Variants in STAG2 observed in about 807,000 individuals in gnomAD.
STAG2 encodes the protein STAG2 cohesin complex component, also known as cohesin subunit SA-2.
A neutral mutation model predicts 108.1 loss-of-function variants in STAG2; 14 were observed. The observed-to-expected ratio is 0.13, with a 90% confidence interval of 0.09 to 0.20. The LOEUF is 0.20. Ranked by LOEUF, STAG2 falls within the 10% of genes least tolerant of loss-of-function variation. The pLI is 1.00. For synonymous variants in STAG2, 307 were observed against 302.7 expected (o/e 1.01, Z -0.15); for missense variants, 440 against 940.9 (o/e 0.47, Z 6.96).
intron 33 of STAG2, among the ~76,000 whole-genome samples, chrX:124,094,637 C>A (rs2059334760): frequency 9.0e-6 from 1 of 111,014 alleles, no homozygotes. Flanking sequence ...TAGGGTTGAT[C>A]ATATACAAAA....
chrX:124,009,145 CT>C (rs1313577275), intron 1 of STAG2, among the ~76,000 whole-genome samples: 1 of 111,059 alleles, frequency 9.0e-6, no homozygotes, highest in Non-Finnish European at 1.9e-5. Flanking sequence ...ATTTCGCCTC[CT>C]TTCTTAGCAT....
At chrX:124,028,823 T>TATATATATA (rs1491294090) in intron 4 of STAG2, among the ~76,000 whole-genome samples, 44 of 50,576 alleles carry the variant, frequency 8.7e-4, no homozygotes, top group African/African-American at 3.3e-3. Context: ...TATATATATA[T>TATATATATA]TTTTTTTTTT....
Position 124,049,206 on chromosome X carries a change from A to G in STAG2, c.893+128A>G, listed in dbSNP as rs976529107. On this transcript the variant is annotated intron_variant, in intron 10 of 34. Coordinates refer to ENST00000371145, the MANE Select transcript of STAG2 (RefSeq NM_001042750.2). The stretch of plus-strand genomic sequence containing the variant: ...TATAGTAAAATCAATGTTAGACTCC[A>G]TTAGTGCCACTGAGTCACTCTGGGC... The G allele has an allele frequency of 7.9e-6, 4 of 503,350 alleles. No homozygotes were observed. In the Admixed American group the frequency reaches 1.6e-4, roughly 21 times the overall value. The allele number at this position is 503,350 out of a possible 1,213,427, so 41.5% of individuals were successfully genotyped here.
At chrX:123,980,996 A>T (rs1236044905) in intron 1 of STAG2, among the ~76,000 whole-genome samples, 1 of 111,473 alleles carries the variant, frequency 9.0e-6, no homozygotes, top group African/African-American at 3.3e-5. Flanking sequence ...CTTGGGTAGA[A>T]ATAATGCTGG....
rs72610617 is a variant in STAG2, at chrX:124,004,914, A to G, written c.-162-16453A>G. 1.4e-3 allele frequency among the ~76,000 whole-genome samples: 152 copies of G among 111,400 alleles called. 3 individuals are homozygous for G. In the East Asian group the frequency reaches 0.033, roughly 24 times the overall value. ...GCACAATGTCAAGACCGGGAAATTG[A>G]CATTGATACAGTCCATATACAGGTG... On this transcript the variant is annotated intron_variant, in intron 1 of 34. Transcript: ENST00000371145.
chrX:124,066,343 A>G lies in STAG2; in HGVS notation c.2185-13A>G, dbSNP rs370669855. On this transcript the variant is annotated splice_polypyrimidine_tract_variant and intron_variant, in intron 22 of 34. Transcript: ENST00000371145. ...TTTTAAATTTTAACTGTATCCTTTG[A>G]TTCTTTTTACAGATTGTTATTCACG... 21 of 1,198,190 alleles carry G rather than the reference A, an allele frequency of 1.8e-5. No homozygotes were observed. In the African/African-American group the frequency reaches 3.5e-4, roughly 20 times the overall value.
chrX:124,022,549 G>A lies in STAG2; in HGVS notation c.-79G>A, dbSNP rs2148001067. 1 of 811,908 alleles carries A rather than the reference G, an allele frequency of 1.2e-6. No individual in the cohort carries two copies. The allele number at this position is 811,908 out of a possible 1,213,427, so 66.9% of individuals were successfully genotyped here. ...TTTAAAGGAATTGTCTTAGAAGAAAGAAGGCAAGCCACCATTTTACCCACG... is the reference window on the plus strand; with the variant it reads ...TTTAAAGGAATTGTCTTAGAAGAAAAAAGGCAAGCCACCATTTTACCCACG... On this transcript the variant is annotated 5_prime_UTR_variant, in exon 3 of 35. Transcript: ENST00000371145.
At chrX:124,096,550 G>C (rs2148515627) in intron 34 of STAG2, among the ~76,000 whole-genome samples, 1 of 111,399 alleles carries the variant, frequency 9.0e-6, no homozygotes, top group East Asian at 2.8e-4. Context: ...TAGTGAGATA[G>C]GATATTACAT....
chrX:123,979,722 C>G (rs2054784747), intron 1 of STAG2, among the ~76,000 whole-genome samples: 1 of 111,161 alleles, frequency 9.0e-6, no homozygotes, highest in Non-Finnish European at 1.9e-5. Flanking sequence ...GTACAGGTCT[C>G]TTAAAGCTGC....
At chrX:123,976,018 C>T (rs2054598684) in intron 1 of STAG2, among the ~76,000 whole-genome samples, 1 of 112,198 alleles carries the variant, frequency 8.9e-6, no homozygotes, top group Admixed American at 9.5e-5. Flanking sequence ...GGAGCAGTGG[C>T]TCACACCTAT....
intron 1 of STAG2, among the ~76,000 whole-genome samples, chrX:123,965,553 G>A (rs988170744): frequency 1.8e-5 from 2 of 111,683 alleles, no homozygotes; most frequent in African/African-American, 6.5e-5. Context: ...GTTTAGTAAT[G>A]CTTAATATTG....
chrX:124,029,435 C>G (rs764538756), intron 4 of STAG2, among the ~76,000 whole-genome samples: 1 of 110,296 alleles, frequency 9.1e-6, no homozygotes, highest in Non-Finnish European at 1.9e-5. Flanking sequence ...CTCAGCCTCC[C>G]GAGTAGCTGG....
At chrX:123,966,454 C>T (rs1042737687) in intron 1 of STAG2, among the ~76,000 whole-genome samples, 2 of 108,213 alleles carry the variant, frequency 1.8e-5, no homozygotes, top group Non-Finnish European at 3.8e-5. Flanking sequence ...AGCGAGACTC[C>T]GTTTAAAAAA....
intron 28 of STAG2, among the ~76,000 whole-genome samples, 183 bp from the exon 29 acceptor site, chrX:124,083,238 A>G (rs769144211): frequency 4.5e-5 from 5 of 111,745 alleles, no homozygotes; most frequent in African/African-American, 1.6e-4. Context: ...TTTTAAAGAA[A>G]GTAACAGTGA....
At chrX:124,099,045 G>A (rs1453556088) in intron 34 of STAG2, among the ~76,000 whole-genome samples, 2 of 111,950 alleles carry the variant, frequency 1.8e-5, no homozygotes, top group African/African-American at 6.5e-5. Context: ...AGAAAAGAAA[G>A]TGTCACTACT....
chrX:124,033,150 T>C (rs2057399225), intron 5 of STAG2, among the ~76,000 whole-genome samples: 1 of 112,312 alleles, frequency 8.9e-6, no homozygotes, highest in African/African-American at 3.2e-5. Flanking sequence ...CTTTTTCTTG[T>C]GTAATGTTTT....
rs931783136 is a variant in STAG2, at chrX:124,100,658, A to G, written c.*61A>G. 3 of 948,979 alleles carry G rather than the reference A, an allele frequency of 3.2e-6. No homozygotes were observed. The East Asian group carries it at 9.3e-5, about 29-fold the overall frequency. 78.2% of individuals were successfully genotyped at this position (948,979 alleles called of 1,213,427 possible). A position where few individuals can be genotyped will look rare whatever the true frequency, so the allele number is the denominator to read the frequency against. On this transcript the variant is annotated 3_prime_UTR_variant, in exon 35 of 35. Transcript: ENST00000371145. ...TTCTAAGTGGAAGAGGAAATTTTAA[A>G]GTGTGGTAGATACAGTGAAATTCTG...
intron 1 of STAG2, among the ~76,000 whole-genome samples, chrX:124,018,669 T>A (rs1318807200): frequency 9.1e-6 from 1 of 110,192 alleles, no homozygotes; most frequent in African/African-American, 3.3e-5. Context: ...CCCGGCTGAT[T>A]TTTTGATTTT....
At chrX:124,046,251 C>T (rs2148187683) in intron 8 of STAG2, among the ~76,000 whole-genome samples, 1 of 111,959 alleles carries the variant, frequency 8.9e-6, no homozygotes, top group African/African-American at 3.2e-5. Flanking sequence ...AGAATTAAAT[C>T]TATGATTAAA....
Sources: gnomAD v4.1 joint callset for allele counts (sites outside exome capture counted in the v4.1 genomes callset) on GRCh38, gnomAD v4.1.1 for gene constraint, MANE v1.5 for transcripts, NCBI Gene and HGNC (gene_info 2026-07-23, HGNC 2026-07-21) for gene names.